DPP6: variants seen among roughly 807,000 people sequenced by gnomAD.
DPP6 encodes the protein dipeptidyl peptidase like 6, also known as A-type potassium channel modulatory protein DPP6.
Under a neutral mutation model 122.6 loss-of-function variants are expected in DPP6, and 69 were observed. The ratio of observed to expected loss-of-function variants is 0.56; its 90% confidence interval spans 0.46 to 0.69. DPP6 has a LOEUF of 0.69. Among genes scored for constraint, DPP6 ranks in the 30% least tolerant of loss-of-function variants. The pLI is 0.00. For missense variants in DPP6, 928 were observed against 1,116.9 expected, an observed-to-expected ratio of 0.83 and a Z score of 2.41; for synonymous variants, 418 against 433.1, an observed-to-expected ratio of 0.97 and a Z score of 0.43.
chr7:153,844,614 G>A, the DPP6 span, among the ~76,000 whole-genome samples: 1 of 152,180 alleles, frequency 6.6e-6, no homozygotes, highest in African/African-American at 2.4e-5. Flanking sequence ...ACAATTTAAA[G>A]ATGTAAAAAG....
chr7:154,868,914 G>T (rs1804126040), intron 18 of DPP6, among the ~76,000 whole-genome samples: 1 of 152,170 alleles, frequency 6.6e-6, no homozygotes, highest in East Asian at 1.9e-4. Context: ...GTGGTAAGTT[G>T]GTGTCGAATA....
intron 1 of DPP6, among the ~76,000 whole-genome samples, chr7:154,363,641 A>G (rs1017342947): frequency 3.9e-5 from 6 of 152,184 alleles, no homozygotes; most frequent in Non-Finnish European, 1.5e-5. Flanking sequence ...GTGGGTTGAC[A>G]GCTGGTGGTT....
intron 1 of DPP6, among the ~76,000 whole-genome samples, chr7:154,064,558 G>GA (rs1802550101): frequency 6.6e-6 from 1 of 152,196 alleles, no homozygotes; most frequent in African/African-American, 2.4e-5. Flanking sequence ...TAGAACTGAA[G>GA]ACCAGAGGCT....
At chr7:154,058,952 GGAGGCACCCCCCCGC>G in intron 1 of DPP6, 1 of 151,462 alleles carries the variant, frequency 6.6e-6, no homozygotes, top group African/African-American at 2.5e-5. Context: ...GCAGGGTGGG[GGAGGCACCCCCCCGC>G]GAGGCAGGGA....
At chr7:154,335,792 A>G (rs2151048478) in intron 1 of DPP6, among the ~76,000 whole-genome samples, 1 of 152,134 alleles carries the variant, frequency 6.6e-6, no homozygotes, top group South Asian at 2.1e-4. Flanking sequence ...CAAAACCTGG[A>G]CCGTTTCTGG....
chr7:154,226,163 T>C (rs1800588594), intron 1 of DPP6, among the ~76,000 whole-genome samples: 1 of 151,716 alleles, frequency 6.6e-6, no homozygotes, highest in Non-Finnish European at 1.5e-5. Flanking sequence ...GCCAGAGTTC[T>C]GGGGCTGAAG....
intron 9 of DPP6, 137 bp from the exon 10 acceptor site, chr7:154,772,708 T>A: frequency 8.2e-7 from 1 of 1,213,424 alleles, no homozygotes; most frequent in Admixed American, 2.3e-5. Context: ...GTTCTCCACA[T>A]TAATTCTGCT....
In DPP6 at chr7:154,141,954, C is replaced by CTT. The variant is rs1458755018; in HGVS notation, c.243+88892_243+88893dup. Among the ~76,000 whole-genome samples, 13 of 152,252 alleles carry CTT rather than the reference C, an allele frequency of 8.5e-5. 1 individual carries two copies. The South Asian group carries it at 1.7e-3, about 19-fold the overall frequency. ...CCCTTCAGTTAATGCTAGTTCCTTG[C>CTT]TTGCAGCAGGACCAATCAAAAGGAG... On this transcript the variant is annotated intron_variant, in intron 1 of 25. Coordinates refer to ENST00000377770, the MANE Select transcript of DPP6 (RefSeq NM_130797.4).
rs552372237 is a variant in DPP6 at position 154,072,838 on chromosome 7, C to T, written c.243+19775C>T. On this transcript the variant is annotated intron_variant, in intron 1 of 25. Coordinates refer to ENST00000377770, the MANE Select transcript of DPP6 (RefSeq NM_130797.4). The stretch of plus-strand genomic sequence containing the variant: ...GAGCAACATGAAGGAAAGCAACTGT[C>T]GGAAGCCACAGGCCCTCACTTAATG... Among the ~76,000 whole-genome samples, 16 of 152,392 alleles carry T rather than the reference C, an allele frequency of 1.0e-4. No homozygotes were observed. The East Asian group carries it at 2.3e-3, about 22-fold the overall frequency.
intron 5 of DPP6, among the ~76,000 whole-genome samples, chr7:154,608,103 C>T (rs1199541038): frequency 1.4e-5 from 2 of 139,926 alleles, no homozygotes; most frequent in Admixed American, 7.3e-5. Context: ...CCTCAGCCTC[C>T]CAAGTAGCTG....
intron 8 of DPP6, among the ~76,000 whole-genome samples, chr7:154,759,778 C>A (rs1303762309): frequency 6.6e-6 from 1 of 152,204 alleles, no homozygotes; most frequent in African/African-American, 2.4e-5. Flanking sequence ...AAGGGGCTCG[C>A]TGCCTGTGCA....
the DPP6 span, among the ~76,000 whole-genome samples, chr7:153,830,327 G>C: frequency 1.3e-5 from 2 of 152,128 alleles, no homozygotes; most frequent in African/African-American, 4.8e-5. Flanking sequence ...TTGGTCATTG[G>C]ATTTTCATTA....
At chr7:154,466,784 C>A (rs1285656948) in intron 2 of DPP6, among the ~76,000 whole-genome samples, 3 of 152,206 alleles carry the variant, frequency 2.0e-5, no homozygotes, top group Non-Finnish European at 4.4e-5. Flanking sequence ...TGTTCTCTGA[C>A]CCGCAAAGAT....
intron 1 of DPP6, among the ~76,000 whole-genome samples, chr7:154,135,967 G>T (rs1294515442): frequency 6.6e-6 from 1 of 152,196 alleles, no homozygotes; most frequent in Admixed American, 6.5e-5. Flanking sequence ...CTTCCTCTCT[G>T]TGCACTTTCT....
At chr7:153,840,667 C>A in the DPP6 span, among the ~76,000 whole-genome samples, 1 of 152,168 alleles carries the variant, frequency 6.6e-6, no homozygotes, top group Non-Finnish European at 1.5e-5. Context: ...GCTGAAATCA[C>A]CTGTCGGGAA....
At chr7:154,392,272 TCAAA>T (rs1289442936) in intron 1 of DPP6, among the ~76,000 whole-genome samples, 2 of 152,136 alleles carry the variant, frequency 1.3e-5, no homozygotes, top group South Asian at 2.1e-4. Flanking sequence ...AGACTCTGAC[TCAAA>T]CAAACAAACA....
At chr7:153,980,378 G>A (rs1217962447) in intron 1 of DPP6, among the ~76,000 whole-genome samples, 1 of 151,834 alleles carries the variant, frequency 6.6e-6, no homozygotes, top group African/African-American at 2.4e-5. Context: ...ATTTTGTGTG[G>A]GATCAGTGTT....
intron 1 of DPP6, among the ~76,000 whole-genome samples, chr7:153,941,127 G>T (rs1368359277): frequency 6.6e-6 from 1 of 152,184 alleles, no homozygotes; most frequent in Non-Finnish European, 1.5e-5. Context: ...ATTGCTTAAT[G>T]GGTTTCTTAT....
At chr7:154,293,884 A>G (rs1203757701) in intron 1 of DPP6, among the ~76,000 whole-genome samples, 1 of 152,222 alleles carries the variant, frequency 6.6e-6, no homozygotes, top group East Asian at 1.9e-4. Context: ...TGATACACAC[A>G]TTATTTCATT....
Sources: gnomAD v4.1 joint callset for allele counts (sites outside exome capture counted in the v4.1 genomes callset) on GRCh38, gnomAD v4.1.1 for gene constraint, MANE v1.5 for transcripts, NCBI Gene and HGNC (gene_info 2026-07-23, HGNC 2026-07-21) for gene names.